Variants in SPAG6 observed in about 807,000 individuals in gnomAD.
SPAG6 encodes sperm associated antigen 6, also known as sperm-associated antigen 6.
A neutral mutation model predicts 58.5 loss-of-function variants in SPAG6; 49 were observed. The ratio of observed to expected loss-of-function variants is 0.84; its 90% CI spans 0.67 to 1.06. The LOEUF is 1.06. SPAG6 is among the 50% of genes least tolerant of loss of function. The pLI is 0.00. For missense variants in SPAG6, 560 were observed against 611.3 expected, an observed-to-expected ratio of 0.92 and a Z score of 0.89; for synonymous variants, 233 against 225.6, an observed-to-expected ratio of 1.03 and a Z score of -0.29.
rs545455177 is a variant in SPAG6, at chr10:22,414,569, A to C, written c.1461-2050A>C. On this transcript the variant is annotated intron_variant, in intron 10 of 10. Coordinates refer to ENST00000376624, the MANE Select transcript of SPAG6 (RefSeq NM_012443.4). ...TTTCATAGTTAGAATTAAATGAGAA[A>C]ATGCTTAGCCAAAGGGCTACATGTG... Among the ~76,000 whole-genome samples the C allele has an allele frequency of 3.3e-5, 5 of 152,296 alleles. No homozygotes were observed. In the South Asian group the frequency reaches 1.0e-3, roughly 32 times the overall value.
intron 3 of SPAG6, 68 bp from the exon 4 acceptor site, chr10:22,368,427 G>A: frequency 8.1e-7 from 1 of 1,238,462 alleles, no homozygotes. Flanking sequence ...TGTAGTTTTG[G>A]TCTATTTTAG....
At chr10:22,393,337 T>C (rs1834223324) in intron 8 of SPAG6, among the ~76,000 whole-genome samples, 1 of 152,154 alleles carries the variant, frequency 6.6e-6, no homozygotes, top group Non-Finnish European at 1.5e-5. Context: ...AGCTAGAGCA[T>C]AAATCATTAA....
At chr10:22,397,985 C>A (rs757637421) in intron 8 of SPAG6, among the ~76,000 whole-genome samples, 2 of 152,142 alleles carry the variant, frequency 1.3e-5, no homozygotes, top group Admixed American at 6.6e-5. Flanking sequence ...ACTTAACACT[C>A]CCCAATTTCA....
intron 2 of SPAG6, chr10:22,361,244 AAT>A (rs1837028453): frequency 1.2e-5 from 2 of 165,078 alleles, no homozygotes; most frequent in Admixed American, 6.3e-5. Flanking sequence ...TAAACTAAAC[AAT>A]ATAGGAAAAT....
intron 4 of SPAG6, among the ~76,000 whole-genome samples, chr10:22,372,296 T>A (rs1259991019): frequency 6.6e-6 from 1 of 152,232 alleles, no homozygotes. Flanking sequence ...TGTACATGGA[T>A]ATATAGTTAT....
chr10:22,411,807 A>G (rs572318564), intron 10 of SPAG6: 1 of 151,928 alleles, frequency 6.6e-6, no homozygotes, highest in African/African-American at 2.4e-5. Context: ...AATAAATAAA[A>G]GCAAAAAAAG....
chr10:22,362,107 A>T (rs1285769317), intron 2 of SPAG6, among the ~76,000 whole-genome samples: 1 of 145,690 alleles, frequency 6.9e-6, no homozygotes, highest in African/African-American at 2.5e-5. Flanking sequence ...TTCGATGTAA[A>T]TATATATAAA....
At chr10:22,412,049 C>T (rs1834752771) in intron 10 of SPAG6, among the ~76,000 whole-genome samples, 1 of 152,012 alleles carries the variant, frequency 6.6e-6, no homozygotes. Flanking sequence ...CGGGGTTTCA[C>T]CGTGTTAGCC....
chr10:22,376,920 TA>T (rs989524353), intron 4 of SPAG6, among the ~76,000 whole-genome samples: 41 of 147,954 alleles, frequency 2.8e-4, no homozygotes, highest in Admixed American at 6.1e-4. Context: ...TCTCATCTCT[TA>T]AAAAAAAAAA....
intron 4 of SPAG6, among the ~76,000 whole-genome samples, chr10:22,385,825 A>G (rs1834051683): frequency 6.6e-6 from 1 of 152,210 alleles, no homozygotes; most frequent in East Asian, 1.9e-4. Context: ...CTAAGGCACT[A>G]CACATCTGGG....
intron 4 of SPAG6, among the ~76,000 whole-genome samples, chr10:22,382,754 C>T (rs11012977): frequency 0.17 from 25,384 of 152,080 alleles, 6,339 homozygotes; most frequent in African/African-American, 0.55. Context: ...AAAAATTTTA[C>T]ATTTGTTTAT....
At chr10:22,415,017 C>T (rs1012134000) in intron 10 of SPAG6, among the ~76,000 whole-genome samples, 1 of 152,126 alleles carries the variant, frequency 6.6e-6, no homozygotes, top group African/African-American at 2.4e-5. Flanking sequence ...CCACCCTCCT[C>T]AGCCTCCCAA....
chr10:22,370,553 A>C (rs1288177215), intron 4 of SPAG6, among the ~76,000 whole-genome samples: 1 of 152,242 alleles, frequency 6.6e-6, no homozygotes, highest in African/African-American at 2.4e-5. Context: ...ACTTCAAAAC[A>C]GAAACAGGAA....
Position 22,416,791 on chromosome 10 carries a change from A to G in SPAG6, c.*103A>G. 1.6e-6 allele frequency: 1 copy of G among 642,512 alleles called. No homozygotes were observed. The highest frequency in any genetic ancestry group is 2.0e-5 in the South Asian group (1 of 50,190). 39.8% of individuals were successfully genotyped at this position (642,512 alleles called of 1,614,324 possible). On this transcript the variant is annotated 3_prime_UTR_variant, in exon 11 of 11. Transcript: ENST00000376624. Reference sequence around the variant, plus strand: ...AACTAAGTATATTCTAGATTTATTTAATGGGAAATACCTTTAGATAATATT... The same window carrying G: ...AACTAAGTATATTCTAGATTTATTTGATGGGAAATACCTTTAGATAATATT...
At chr10:22,378,935 A>C (rs1401469068) in intron 4 of SPAG6, among the ~76,000 whole-genome samples, 6 of 152,194 alleles carry the variant, frequency 3.9e-5, no homozygotes, top group Non-Finnish European at 8.8e-5. Flanking sequence ...GACTTTTTAA[A>C]GGAGCCAGAA....
intron 8 of SPAG6, among the ~76,000 whole-genome samples, chr10:22,392,185 T>C (rs1023841441): frequency 3.9e-5 from 6 of 152,168 alleles, no homozygotes; most frequent in African/African-American, 1.4e-4. Flanking sequence ...TCTTCTTATG[T>C]AGTGGGAATT....
chr10:22,346,453 T>TCTC (rs1206547554), intron 2 of SPAG6, among the ~76,000 whole-genome samples: 5 of 138,872 alleles, frequency 3.6e-5, no homozygotes, highest in African/African-American at 6.3e-5. Context: ...TTCTTCTTCT[T>TCTC]CTTCTTCTTC....
At chr10:22,404,882 A>T (rs202000687) in intron 9 of SPAG6, among the ~76,000 whole-genome samples, 1 of 152,138 alleles carries the variant, frequency 6.6e-6, no homozygotes, top group East Asian at 1.9e-4. Flanking sequence ...ATTCCTAGGT[A>T]TTTTATTCTC....
At chr10:22,388,587 T>G (rs1011084084) in intron 6 of SPAG6, among the ~76,000 whole-genome samples, 1 of 152,220 alleles carries the variant, frequency 6.6e-6, no homozygotes, top group Non-Finnish European at 1.5e-5. Context: ...AAAGCAAGCC[T>G]GTGTTGATTC....
Sources: gnomAD v4.1 joint callset for allele counts (sites outside exome capture counted in the v4.1 genomes callset) on GRCh38, gnomAD v4.1.1 for gene constraint, MANE v1.5 for transcripts, NCBI Gene and HGNC (gene_info 2026-07-23, HGNC 2026-07-21) for gene names.